GATA4: variants seen among roughly 807,000 people sequenced by gnomAD.
The protein encoded by GATA4 is GATA binding protein 4.
GATA4 carries 7 observed loss-of-function variants against 37.9 expected under a neutral mutation model. That is an observed-to-expected ratio of 0.18 (90% CI 0.11 to 0.35). The LOEUF is 0.35. Among genes scored for constraint, GATA4 ranks in the 10% least tolerant of loss-of-function variants. GATA4 has a pLI of 1.00. For missense variants in GATA4, 647 were observed against 653.0 expected, an observed-to-expected ratio of 0.99 and a Z score of 0.10; for synonymous variants, 372 against 292.6, an observed-to-expected ratio of 1.27 and a Z score of -2.77.
At chr8:11,742,956 C>T (rs377021328) in intron 2 of GATA4, among the ~76,000 whole-genome samples, 2 of 152,378 alleles carry the variant, frequency 1.3e-5, no homozygotes, top group East Asian at 1.9e-4. Flanking sequence ...GGTCCCTCCC[C>T]TCCTGCCCAG....
intron 1 of GATA4, among the ~76,000 whole-genome samples, chr8:11,705,136 T>A (rs1001363463): frequency 6.6e-6 from 1 of 152,152 alleles, no homozygotes; most frequent in African/African-American, 2.4e-5. Context: ...GGAAAGAGCG[T>A]GGTGGGGGAC....
At chr8:11,683,248 G>T (rs1563184492) in intron 1 of GATA4, 1 of 578,866 alleles carries the variant, frequency 1.7e-6, no homozygotes. Context: ...GACGGGGCTG[G>T]CGTGCTCCAC....
chr8:11,681,886 A>G (rs1462295662), intron 1 of GATA4, among the ~76,000 whole-genome samples: 1 of 152,058 alleles, frequency 6.6e-6, no homozygotes, highest in Non-Finnish European at 1.5e-5. Flanking sequence ...GCGCCTTCAG[A>G]TGTGGTCTGC....
intron 2 of GATA4, among the ~76,000 whole-genome samples, chr8:11,740,829 G>C (rs2130261106): frequency 6.6e-6 from 1 of 152,040 alleles, no homozygotes; most frequent in East Asian, 1.9e-4. Flanking sequence ...TGCCTCCTGG[G>C]TTCGAGCAAT....
upstream of GATA4, among the ~76,000 whole-genome samples, chr8:11,703,882 C>G (rs1050462530): frequency 6.6e-6 from 1 of 152,216 alleles, no homozygotes; most frequent in African/African-American, 2.4e-5. Context: ...GGGATGAGGA[C>G]CACAGGAAGG....
At chr8:11,736,017 T>C (rs1801437346) in intron 2 of GATA4, among the ~76,000 whole-genome samples, 1 of 152,114 alleles carries the variant, frequency 6.6e-6, no homozygotes, top group Non-Finnish European at 1.5e-5. Flanking sequence ...GCTCAAGTGA[T>C]CCTCCTACCT....
Position 11,708,182 on chromosome 8 carries a change from C to T in GATA4, c.-131C>T. Reference sequence around the variant, plus strand: ...TTTTTAAGCGAGTTGGTTTTTTCCCCTTTGATTTTTGATCTTCGCGACAGT... The same window carrying T: ...TTTTTAAGCGAGTTGGTTTTTTCCCTTTTGATTTTTGATCTTCGCGACAGT... On this transcript the variant is annotated 5_prime_UTR_variant, in exon 2 of 7. Transcript: ENST00000532059. This position sits in a 1 kb window ranked among gnomAD's most constrained non-coding sequence, Gnocchi z 6.7. The T allele has an allele frequency of 9.3e-7, 1 of 1,071,188 alleles. No individual in the cohort carries two copies. The highest frequency in any genetic ancestry group is 1.4e-6 in the Non-Finnish European group (1 of 725,332). The allele number at this position is 1,071,188 out of a possible 1,614,324, so 66.4% of individuals were successfully genotyped here.
At chr8:11,719,403 G>C (rs1296489442) in intron 2 of GATA4, among the ~76,000 whole-genome samples, 3 of 152,190 alleles carry the variant, frequency 2.0e-5, no homozygotes, top group Middle Eastern at 3.4e-3. Flanking sequence ...TAGTTCCCAC[G>C]GAGTGCACAG....
rs533088046 is a variant in GATA4, at chr8:11,715,845, T to C, written c.616+6917T>C. Among the ~76,000 whole-genome samples, 11 of 152,308 alleles carry C rather than the reference T, an allele frequency of 7.2e-5. No individual in the cohort carries two copies. The East Asian group carries it at 2.1e-3, about 29-fold the overall frequency. On this transcript the variant is annotated intron_variant, in intron 2 of 6. Coordinates refer to ENST00000532059, the MANE Select transcript of GATA4 (RefSeq NM_001308093.3). ...TGTATCAGATCTTTAGAACTTAAACTCTGCCCATTAAAATACCACTCCCAT... is the reference window on the plus strand; with the variant it reads ...TGTATCAGATCTTTAGAACTTAAACCCTGCCCATTAAAATACCACTCCCAT...
chr8:11,697,636 A>C (rs1005933325), intron 1 of GATA4: 3 of 985,394 alleles, frequency 3.0e-6, no homozygotes, highest in Non-Finnish European at 3.6e-6. Context: ...CGGCCCCAGC[A>C]CAGCCCCCCT....
upstream of GATA4, chr8:11,692,028 A>C (rs1799329405): frequency 1.0e-6 from 1 of 985,390 alleles, no homozygotes; most frequent in Non-Finnish European, 1.2e-6. Flanking sequence ...GGATCTGTTC[A>C]TGATCCTCAC....
chr8:11,678,368 A>C (rs932928854), intron 1 of GATA4, among the ~76,000 whole-genome samples: 70 of 152,310 alleles, frequency 4.6e-4, no homozygotes, highest in African/African-American at 1.7e-3. Flanking sequence ...CAGCAGCCCC[A>C]CCGGCTTCCA....
intron 2 of GATA4, among the ~76,000 whole-genome samples, chr8:11,743,078 C>G (rs1185497661): frequency 6.6e-6 from 1 of 152,256 alleles, no homozygotes; most frequent in Non-Finnish European, 1.5e-5. Context: ...CGGGCCCTTT[C>G]CACTGTTGAC....
At chr8:11,729,573 A>C (rs951852383) in intron 2 of GATA4, among the ~76,000 whole-genome samples, 1 of 148,316 alleles carries the variant, frequency 6.7e-6, no homozygotes, top group African/African-American at 2.4e-5. Context: ...AAAAAAATGC[A>C]GAAGCTACTT....
intron 1 of GATA4, among the ~76,000 whole-genome samples, chr8:11,686,512 G>T (rs2129954366): frequency 6.6e-6 from 1 of 152,252 alleles, no homozygotes; most frequent in South Asian, 2.1e-4. Flanking sequence ...CTGAAGACTG[G>T]AGGCAGCTCC....
At position 11,755,147 on chromosome 8, in the gene GATA4, C is replaced by T; in HGVS notation, c.1000+14C>T. The T allele has an allele frequency of 6.3e-7, 1 of 1,597,828 alleles. No homozygotes were observed. The highest frequency in any genetic ancestry group is 1.1e-5 in the South Asian group (1 of 90,674). On this transcript the variant is annotated intron_variant, in intron 5 of 6. Transcript: ENST00000532059. ...AGACACCAGCAGGTGAGGAAAAGAT[C>T]TGTGAGTGATTATATGAGTACATCA...
chr8:11,691,549 G>A (rs138938865), upstream of GATA4, among the ~76,000 whole-genome samples: 784 of 152,304 alleles, frequency 5.1e-3, 2 homozygotes, highest in Non-Finnish European at 9.4e-3. Flanking sequence ...CAAAATGTTG[G>A]GATAGGAAGG....
At chr8:11,732,211 A>G (rs1801243811) in intron 2 of GATA4, among the ~76,000 whole-genome samples, 1 of 152,258 alleles carries the variant, frequency 6.6e-6, no homozygotes, top group Non-Finnish European at 1.5e-5. Flanking sequence ...GTGTAATAAA[A>G]GACTGTAGAT....
intron 2 of GATA4, among the ~76,000 whole-genome samples, chr8:11,738,330 T>A (rs542124877): frequency 5.3e-5 from 8 of 152,202 alleles, no homozygotes; most frequent in African/African-American, 1.9e-4. Context: ...CATGATCAGT[T>A]TCTTGTCTGT....
Sources: gnomAD v4.1 joint callset for allele counts (sites outside exome capture counted in the v4.1 genomes callset) on GRCh38, gnomAD v4.1.1 for gene constraint, Gnocchi (gnomAD v3.1) non-coding constraint, MANE v1.5 for transcripts, NCBI Gene and HGNC (gene_info 2026-07-23, HGNC 2026-07-21) for gene names.